ATXN1: variants seen among roughly 807,000 people sequenced by gnomAD.
ATXN1 encodes ataxin-1.
ATXN1 carries 8 observed loss-of-function variants against 56.4 expected under a neutral mutation model. The observed-to-expected ratio is 0.14, with a 90% CI of 0.08 to 0.26. The LOEUF (loss-of-function observed/expected upper bound fraction) is 0.26. Ranked by LOEUF, ATXN1 falls within the 10% of genes least tolerant of loss-of-function variation. The pLI is 1.00. For missense variants in ATXN1, 987 were observed against 1,106.5 expected (o/e 0.89, Z 1.53); for synonymous variants, 514 against 494.6 (o/e 1.04, Z -0.52).
At chr6:16,389,279 G>A (rs2064518304) in intron 6 of ATXN1, among the ~76,000 whole-genome samples, 1 of 148,662 alleles carries the variant, frequency 6.7e-6, no homozygotes. Context: ...GGAGGTTGTA[G>A]TGAGTGGAGA....
intron 6 of ATXN1, among the ~76,000 whole-genome samples, chr6:16,404,991 T>C (rs569243581): frequency 5.4e-4 from 82 of 152,346 alleles, no homozygotes; most frequent in African/African-American, 1.9e-3. Flanking sequence ...GCTTGGAAGA[T>C]GTCCTGGTGT....
At chr6:16,689,842 C>G (rs149401023) in intron 2 of ATXN1, among the ~76,000 whole-genome samples, 3 of 152,132 alleles carry the variant, frequency 2.0e-5, no homozygotes, top group Non-Finnish European at 4.4e-5. Context: ...TATTAATAAT[C>G]CTGTACAATG....
chr6:16,478,027 G>A (rs1581789379), intron 6 of ATXN1, among the ~76,000 whole-genome samples: 1 of 152,180 alleles, frequency 6.6e-6, no homozygotes, highest in Non-Finnish European at 1.5e-5. Context: ...CGAAGTGCCA[G>A]CCAGCACGTT....
At chr6:16,586,404 C>T (rs1762624912) in intron 3 of ATXN1, among the ~76,000 whole-genome samples, 1 of 152,238 alleles carries the variant, frequency 6.6e-6, no homozygotes, top group Admixed American at 6.5e-5. Flanking sequence ...TGAAACTACA[C>T]ATGCCTCTTT....
At chr6:16,491,284 T>A (rs1483585684) in intron 5 of ATXN1, among the ~76,000 whole-genome samples, 2,369 of 124,094 alleles carry the variant, frequency 0.019, 45 homozygotes, top group African/African-American at 0.047. Flanking sequence ...ATTATTTTTT[T>A]TTTTTTTTTT....
intron 4 of ATXN1, among the ~76,000 whole-genome samples, chr6:16,526,036 T>C (rs1665421071): frequency 9.0e-6 from 1 of 110,904 alleles, no homozygotes; most frequent in African/African-American, 4.7e-5. Context: ...CATATAGAAA[T>C]AAATCTATAT....
At chr6:16,611,394 A>G (rs1232428934) in intron 3 of ATXN1, among the ~76,000 whole-genome samples, 2 of 152,224 alleles carry the variant, frequency 1.3e-5, no homozygotes, top group Non-Finnish European at 2.9e-5. Flanking sequence ...AAAATGGAAA[A>G]TGAGGGAAAT....
intron 2 of ATXN1, among the ~76,000 whole-genome samples, chr6:16,702,616 A>G (rs1759310760): frequency 6.6e-6 from 1 of 152,254 alleles, no homozygotes; most frequent in Non-Finnish European, 1.5e-5. Flanking sequence ...CAGAATCTAC[A>G]AAGAACTCAA....
Position 16,303,099 on chromosome 6 carries a change from G to A in ATXN1, c.*3230C>T, listed in dbSNP as rs898852854. 3 of 152,816 alleles carry A rather than the reference G, an allele frequency of 2.0e-5. No individual in the cohort carries two copies. Among genetic ancestry groups the A allele is most frequent in the African/African-American group, 7.2e-5 (3 of 41,434 alleles). The allele number at this position is 152,816 out of a possible 1,614,324, so 9.5% of individuals were successfully genotyped here. ...ACACACACAACAGGCCACACTTCCCGTCCAGGCTCAGAGGCAGGGCTCCAA... is the reference window on the plus strand; with the variant it reads ...ACACACACAACAGGCCACACTTCCCATCCAGGCTCAGAGGCAGGGCTCCAA... On this transcript the variant is annotated 3_prime_UTR_variant, in exon 8 of 8. Transcript: ENST00000436367. The surrounding 1 kb of genome is among the most constrained non-coding windows in gnomAD (Gnocchi z 4.3).
intron 4 of ATXN1, among the ~76,000 whole-genome samples, chr6:16,531,606 A>G (rs1302764396): frequency 6.6e-6 from 1 of 150,580 alleles, no homozygotes; most frequent in African/African-American, 2.4e-5. Context: ...CTGGGAAACA[A>G]GAGCGAAACT....
chr6:16,430,950 T>C (rs551748365), intron 6 of ATXN1, among the ~76,000 whole-genome samples: 1 of 152,154 alleles, frequency 6.6e-6, no homozygotes, highest in Non-Finnish European at 1.5e-5. Flanking sequence ...TGTGAATGCA[T>C]TTGAGATTTT....
chr6:16,441,580 A>G (rs1759517576), intron 6 of ATXN1, among the ~76,000 whole-genome samples: 1 of 152,198 alleles, frequency 6.6e-6, no homozygotes, highest in African/African-American at 2.4e-5. Flanking sequence ...CTAAAAGAAA[A>G]TGAGGCAGTA....
At chr6:16,735,666 G>C (rs1371686923) in intron 2 of ATXN1, among the ~76,000 whole-genome samples, 1 of 152,112 alleles carries the variant, frequency 6.6e-6, no homozygotes, top group Admixed American at 6.5e-5. Flanking sequence ...TCACCTGTAG[G>C]TGTACTCAGA....
chr6:16,605,620 T>A (rs922160281), intron 3 of ATXN1, among the ~76,000 whole-genome samples: 1 of 152,230 alleles, frequency 6.6e-6, no homozygotes, highest in Non-Finnish European at 1.5e-5. Context: ...GCTGGAGCTC[T>A]TGGTTAAGCA....
intron 6 of ATXN1, among the ~76,000 whole-genome samples, chr6:16,389,210 G>A (rs565972103): frequency 9.9e-5 from 15 of 152,232 alleles, no homozygotes; most frequent in South Asian, 8.3e-4. Context: ...GGTGGCACGC[G>A]CCTGTCATCT....
intron 2 of ATXN1, among the ~76,000 whole-genome samples, chr6:16,658,769 T>C (rs1173120907): frequency 1.3e-5 from 2 of 152,242 alleles, no homozygotes; most frequent in Non-Finnish European, 2.9e-5. Context: ...CCTCCTTTTT[T>C]AGCCTTTTAT....
chr6:16,700,392 G>C (rs73370208), intron 2 of ATXN1, among the ~76,000 whole-genome samples: 109 of 152,194 alleles, frequency 7.2e-4, no homozygotes, highest in African/African-American at 2.5e-3. Flanking sequence ...ATCTTGCTGT[G>C]CTCTGCAACC....
rs1484442641 is a variant in ATXN1, at chr6:16,328,651, A to C, written c.-160-181T>G. 6.6e-6 allele frequency among the ~76,000 whole-genome samples: 1 copy of C among 152,148 alleles called. No homozygotes were observed. The highest frequency in any genetic ancestry group is 6.5e-5 in the Admixed American group (1 of 15,278). ...ATACCCCAAGCACTGAAGCAGAGAA[A>C]ACACTAGCCAACACTTTGGGAGGCC... On this transcript the variant is annotated intron_variant, in intron 6 of 7. Transcript: ENST00000436367. The surrounding 1 kb of genome is among the most constrained non-coding windows in gnomAD (Gnocchi z 6.2).
In ATXN1 at chr6:16,309,988, C is replaced by A. The variant is rs569548952; in HGVS notation, c.1918-3129G>T. Among the ~76,000 whole-genome samples, 27 of 150,624 alleles carry A rather than the reference C, an allele frequency of 1.8e-4. No homozygotes were observed. In the South Asian group the frequency reaches 4.3e-3, roughly 24 times the overall value. On this transcript the variant is annotated intron_variant, in intron 7 of 7. Transcript: ENST00000436367. ...GGCGGAGGTTGCAGTGAGCCAAGAT[C>A]GTTGCAGTGAGCCAAGATCGTTGCA...
Sources: gnomAD v4.1 joint callset for allele counts (sites outside exome capture counted in the v4.1 genomes callset) on GRCh38, gnomAD v4.1.1 for gene constraint, Gnocchi (gnomAD v3.1) non-coding constraint, MANE v1.5 for transcripts, NCBI Gene and HGNC (gene_info 2026-07-23, HGNC 2026-07-21) for gene names.